Variants in CTNNA2 observed in about 807,000 individuals in gnomAD.
CTNNA2 encodes catenin alpha 2, also known as catenin alpha-2.
A neutral mutation model predicts 101.0 loss-of-function variants in CTNNA2; 42 were observed. The observed-to-expected ratio is 0.42, with a 90% CI of 0.32 to 0.54. CTNNA2 has a LOEUF of 0.54. CTNNA2 is among the 20% of genes least tolerant of loss of function. The pLI is 0.14. For missense variants in CTNNA2, 871 were observed against 1,223.1 expected (o/e 0.71, Z 4.29); for synonymous variants, 450 against 456.4 (o/e 0.99, Z 0.18).
chr2:80,428,613 C>G (rs1681203457), intron 9 of CTNNA2, among the ~76,000 whole-genome samples: 1 of 152,172 alleles, frequency 6.6e-6, no homozygotes, highest in Non-Finnish European at 1.5e-5. Context: ...GACTGTTTCT[C>G]AGTTGGCTCT....
intron 1 of CTNNA2, among the ~76,000 whole-genome samples, chr2:79,576,895 C>T (rs867016438): frequency 6.6e-6 from 1 of 152,140 alleles, no homozygotes; most frequent in African/African-American, 2.4e-5. Context: ...CTACTAAAAA[C>T]TATTCGAGCA....
intron 4 of CTNNA2, among the ~76,000 whole-genome samples, chr2:79,473,871 G>A (rs562396823): frequency 6.6e-6 from 1 of 152,120 alleles, no homozygotes; most frequent in African/African-American, 2.4e-5. Flanking sequence ...TATTTTCAAG[G>A]TTCTAAAGCA....
chr2:79,663,787 A>G (rs1354753760), intron 2 of CTNNA2, among the ~76,000 whole-genome samples: 2 of 152,198 alleles, frequency 1.3e-5, no homozygotes, highest in African/African-American at 2.4e-5. Flanking sequence ...TCTCATGTAG[A>G]TAGAAATGAT....
intron 6 of CTNNA2, among the ~76,000 whole-genome samples, chr2:79,899,841 C>G (rs1684963784): frequency 6.6e-6 from 1 of 152,150 alleles, no homozygotes. Flanking sequence ...GATTAAAACT[C>G]AAGGTCCTTG....
chr2:80,437,163 C>T (rs141790491), intron 9 of CTNNA2, among the ~76,000 whole-genome samples: 3 of 152,276 alleles, frequency 2.0e-5, no homozygotes, highest in African/African-American at 7.2e-5. Flanking sequence ...GACTTTGCAG[C>T]CTGTGGAACT....
chr2:79,725,874 A>G (rs533717806), intron 2 of CTNNA2, among the ~76,000 whole-genome samples: 2 of 152,292 alleles, frequency 1.3e-5, no homozygotes, highest in African/African-American at 2.4e-5. Context: ...TAATTGAAAC[A>G]CAGTGAGTGA....
intron 7 of CTNNA2, among the ~76,000 whole-genome samples, chr2:80,099,523 G>A (rs1700404527): frequency 6.6e-6 from 1 of 152,130 alleles, no homozygotes. Context: ...ATTTACTTGG[G>A]AGAACCATGT....
intron 2 of CTNNA2, among the ~76,000 whole-genome samples, chr2:79,707,701 C>T (rs1269708458): frequency 6.6e-6 from 1 of 152,200 alleles, no homozygotes; most frequent in Non-Finnish European, 1.5e-5. Flanking sequence ...GCTTTGTCTA[C>T]ACATTACTTG....
chr2:79,565,173 G>GT (rs1275568100), intron 1 of CTNNA2, among the ~76,000 whole-genome samples: 1 of 151,900 alleles, frequency 6.6e-6, no homozygotes, highest in Non-Finnish European at 1.5e-5. Context: ...TAAAAGCCGG[G>GT]TTGTCACACG....
At chr2:80,322,442 T>A (rs1678791964) in intron 7 of CTNNA2, among the ~76,000 whole-genome samples, 2 of 152,176 alleles carry the variant, frequency 1.3e-5, no homozygotes, top group Admixed American at 1.3e-4. Context: ...ATTGTCATAG[T>A]AACACACAAT....
intron 1 of CTNNA2, among the ~76,000 whole-genome samples, chr2:79,558,224 G>T (rs1158798063): frequency 1.3e-5 from 2 of 151,890 alleles, no homozygotes; most frequent in African/African-American, 2.4e-5. Flanking sequence ...CACTGAACAT[G>T]ATATCTTTTT....
intron 7 of CTNNA2, among the ~76,000 whole-genome samples, chr2:80,360,763 T>C (rs1015559026): frequency 6.6e-6 from 1 of 152,204 alleles, no homozygotes; most frequent in Admixed American, 6.5e-5. Flanking sequence ...TTAAAGTTAA[T>C]CTACAATGAT....
chr2:79,994,797 T>C (rs1294732653), intron 7 of CTNNA2, among the ~76,000 whole-genome samples: 1 of 152,182 alleles, frequency 6.6e-6, no homozygotes, highest in African/African-American at 2.4e-5. Context: ...ATCTGCTCTT[T>C]AATAATTTCA....
intron 3 of CTNNA2, among the ~76,000 whole-genome samples, chr2:79,855,837 C>T (rs1681090725): frequency 6.6e-6 from 1 of 152,250 alleles, no homozygotes; most frequent in South Asian, 2.1e-4. Context: ...TCTAGCTCTA[C>T]TTGTGGCACT....
intron 4 of CTNNA2, among the ~76,000 whole-genome samples, chr2:79,484,937 A>C (rs1387239961): frequency 1.3e-5 from 2 of 152,218 alleles, no homozygotes; most frequent in Non-Finnish European, 2.9e-5. Flanking sequence ...ATTTGAAAAT[A>C]GGGGAGATTC....
At chr2:80,206,777 A>T (rs1707562655) in intron 7 of CTNNA2, among the ~76,000 whole-genome samples, 2 of 152,308 alleles carry the variant, frequency 1.3e-5, no homozygotes, top group South Asian at 4.1e-4. Context: ...ATTAGAATTG[A>T]TAAACCAATT....
chr2:79,673,231 T>C (rs1682964898), intron 2 of CTNNA2, among the ~76,000 whole-genome samples: 1 of 152,182 alleles, frequency 6.6e-6, no homozygotes, highest in African/African-American at 2.4e-5. Flanking sequence ...GTGCCGTGAT[T>C]GGTTGACTTT....
intron 2 of CTNNA2, among the ~76,000 whole-genome samples, chr2:79,202,327 GTTTTTTTATT>G (rs1674046276): frequency 7.7e-6 from 1 of 129,432 alleles, no homozygotes; most frequent in Non-Finnish European, 1.7e-5. Context: ...CCACACACTT[GTTTTTTTATT>G]TTTTTTATTT....
intron 2 of CTNNA2, among the ~76,000 whole-genome samples, chr2:79,672,047 A>G (rs943389157): frequency 6.6e-6 from 1 of 152,116 alleles, no homozygotes; most frequent in Non-Finnish European, 1.5e-5. Flanking sequence ...ATTTTATTTT[A>G]TTTTTATTTT....
Sources: allele counts gnomAD v4.1 joint callset (sites outside exome capture counted in the v4.1 genomes callset), GRCh38; gene constraint gnomAD v4.1.1; transcripts MANE v1.5; gene names NCBI Gene and HGNC (gene_info 2026-07-23, HGNC 2026-07-21).